MACF1: variants seen among roughly 807,000 people sequenced by gnomAD.
MACF1 encodes the protein microtubule-actin cross-linking factor 1.
A neutral mutation model predicts 854.8 loss-of-function variants in MACF1; 193 were observed. The ratio of observed to expected loss-of-function variants is 0.23; its 90% CI spans 0.20 to 0.25. The LOEUF is 0.25. Ranked by LOEUF, MACF1 falls within the 10% of genes least tolerant of loss-of-function variation. MACF1 has a pLI of 1.00. For missense variants in MACF1, 7,722 were observed against 8,929.1 expected (o/e 0.86, Z 5.45); for synonymous variants, 3,185 against 3,226.7 (o/e 0.99, Z 0.44).
At position 39,251,948 on chromosome 1, in the gene MACF1, C is replaced by A; in HGVS notation, c.357+7C>A. The stretch of plus-strand genomic sequence containing the variant: ...GGAAGATGATGATGATGTAGTAGGT[C>A]CTCCTGGGGATGCCAGCATCCCAGC... On this transcript the variant is annotated splice_region_variant and intron_variant, in intron 4 of 100. Transcript: ENST00000564288. The A allele has an allele frequency of 6.7e-7, 1 of 1,491,936 alleles. No individual in the cohort carries two copies. Among genetic ancestry groups the A allele is most frequent in the East Asian group, 2.6e-5 (1 of 38,098 alleles). 92.4% of individuals were successfully genotyped at this position (1,491,936 alleles called of 1,614,324 possible).
intron 100 of MACF1, 24 bp downstream of exon 100, chr1:39,484,754 C>T (rs1396711731): frequency 1.2e-6 from 2 of 1,614,128 alleles, no homozygotes; most frequent in South Asian, 2.2e-5. Context: ...CCGTGACCTA[C>T]AAGCCAGGCT....
chr1:39,297,482 T>G (rs751320690), intron 20 of MACF1, 138 bp from the exon 21 acceptor site: 11 of 1,031,646 alleles, frequency 1.1e-5, no homozygotes, highest in Non-Finnish European at 1.4e-5. Context: ...TCAGTGGTCC[T>G]TGTAATAAAC....
intron 2 of MACF1, among the ~76,000 whole-genome samples, chr1:39,147,799 TTC>T (rs1643500514): frequency 6.6e-6 from 1 of 152,196 alleles, no homozygotes; most frequent in Non-Finnish European, 1.5e-5. Context: ...GGACACTAAG[TTC>T]TGTTTGTCTA....
intron 49 of MACF1, among the ~76,000 whole-genome samples, chr1:39,363,859 G>A (rs954261001): frequency 6.6e-6 from 1 of 151,994 alleles, no homozygotes; most frequent in Non-Finnish European, 1.5e-5. Context: ...TGATCTGCCC[G>A]CCTCGGCCTC....
chr1:39,088,911 G>T (rs1442903992), intron 2 of MACF1, among the ~76,000 whole-genome samples: 1 of 152,196 alleles, frequency 6.6e-6, no homozygotes, highest in African/African-American at 2.4e-5. Context: ...GCTCATGTTT[G>T]GGCTAGGGCA....
chr1:39,342,987 C>T (rs562135397), intron 40 of MACF1, among the ~76,000 whole-genome samples: 2 of 152,012 alleles, frequency 1.3e-5, no homozygotes, highest in Non-Finnish European at 2.9e-5. Context: ...CAAAAAAACA[C>T]GTGACAGACC....
chr1:39,335,664 G>A lies in MACF1; in HGVS notation c.9076G>A (p.Gly3026Arg). Reference protein sequence around the residue: ...QPREMTSSEKGKEADTEMGFS... With the variant: ...QPREMTSSEKRKEADTEMGFS... ...TAGGGAAATGACCTCAAGTGAAAAA[G>A]GGAAAGAAGCTGATACAGAAATGGG... is the stretch of plus-strand genomic sequence containing the variant. The change falls in exon 37 of 101, where the codon GGG becomes AGG. Residue 3026 changes from glycine to arginine, a missense_variant. Physicochemically the swap from Gly to Arg is moderately radical, Grantham distance 125. Around this residue, in one of 15 missense-constraint regions of MACF1, gnomAD observed 854 missense variants for 852.6 expected, o/e 1.00. Coordinates refer to ENST00000564288, the MANE Select transcript of MACF1 (RefSeq NM_001394062.1). 1 of 1,614,056 alleles carries A rather than the reference G, an allele frequency of 6.2e-7. No homozygotes were observed. Among genetic ancestry groups the A allele is most frequent in the South Asian group, 1.1e-5 (1 of 91,044 alleles).
At chr1:39,364,945 A>G (rs570780435) in intron 49 of MACF1, among the ~76,000 whole-genome samples, 76 of 152,150 alleles carry the variant, frequency 5.0e-4, no homozygotes, top group African/African-American at 1.7e-3. Context: ...TTTTTTTTAC[A>G]TTTGAATCTT....
intron 6 of MACF1, among the ~76,000 whole-genome samples, chr1:39,260,737 CAACA>C (rs896973360): frequency 1.3e-5 from 2 of 152,100 alleles, no homozygotes; most frequent in African/African-American, 4.8e-5. Context: ...ACAACAACAA[CAACA>C]AACAAACAAA....
At chr1:39,199,795 A>G (rs531540199), upstream of MACF1, among the ~76,000 whole-genome samples, 7 of 152,308 alleles carry the variant, frequency 4.6e-5, no homozygotes, top group South Asian at 1.5e-3. Flanking sequence ...ATCTGGCACA[A>G]TGCTCTGCAT....
In MACF1 at chr1:39,147,032, C is replaced by CCTT. The variant is rs963383088; in HGVS notation, c.220+62603_220+62605dup. 1.2e-3 allele frequency among the ~76,000 whole-genome samples: 186 copies of CCTT among 151,784 alleles called. 1 individual carries two copies. Among genetic ancestry groups the CCTT allele is most frequent in the African/African-American group, 4.1e-3 (171 of 41,410 alleles). On this transcript the variant is annotated intron_variant, in intron 2 of 93. Coordinates refer to the MACF1 transcript ENST00000361689. The stretch of plus-strand genomic sequence containing the variant: ...CTTCTTCTTCTTTTCCTTCTTCCTT[C>CCTT]CTTCTTCTTCTCCTCCTCCTGTTCC...
chr1:39,117,494 T>C (rs1642576325), intron 2 of MACF1, among the ~76,000 whole-genome samples: 3 of 151,958 alleles, frequency 2.0e-5, no homozygotes, highest in Admixed American at 2.0e-4. Flanking sequence ...ACTCCCTGGT[T>C]TGGCTTGTCC....
intron 2 of MACF1, chr1:39,103,180 C>T (rs192563204): frequency 7.4e-5 from 28 of 380,094 alleles, no homozygotes; most frequent in African/African-American, 3.1e-4. Flanking sequence ...CTCCCTGCAA[C>T]GCCCCCAGGT....
At chr1:39,485,211 A>T (rs1645082103) in intron 100 of MACF1, 1 of 340,414 alleles carries the variant, frequency 2.9e-6, no homozygotes, top group Non-Finnish European at 5.4e-6. Flanking sequence ...GCCTCTATCC[A>T]TCCTGCCCAT....
chr1:39,418,965 T>G (rs995311892), intron 58 of MACF1, among the ~76,000 whole-genome samples: 1 of 152,234 alleles, frequency 6.6e-6, no homozygotes, highest in African/African-American at 2.4e-5. Flanking sequence ...TTGCAACAAT[T>G]TTTACTAGTG....
At chr1:39,375,207 A>G (rs542379588) in intron 52 of MACF1, among the ~76,000 whole-genome samples, 68 of 152,312 alleles carry the variant, frequency 4.5e-4, no homozygotes, top group African/African-American at 1.4e-3. Context: ...ATCTGTTATG[A>G]AATCCATCAG....
At chr1:39,280,089 C>G (rs750093714) in intron 6 of MACF1, among the ~76,000 whole-genome samples, 1 of 151,816 alleles carries the variant, frequency 6.6e-6, no homozygotes, top group Non-Finnish European at 1.5e-5. Flanking sequence ...GACAGAGTCC[C>G]GCTCTGTCAC....
At chr1:39,314,682 T>A (rs1023934635) in intron 26 of MACF1, among the ~76,000 whole-genome samples, 3 of 152,050 alleles carry the variant, frequency 2.0e-5, no homozygotes, top group Admixed American at 6.6e-5. Context: ...TCTTTCCATA[T>A]TTTTAACCCC....
chr1:39,480,778 A>G, intron 98 of MACF1, 142 bp from the exon 99 acceptor site: 1 of 608,374 alleles, frequency 1.6e-6, no homozygotes, highest in Non-Finnish European at 2.9e-6. Context: ...TCTCATCCTG[A>G]TGGACCAACA....
Sources: allele counts gnomAD v4.1 joint callset (sites outside exome capture counted in the v4.1 genomes callset), GRCh38; gene constraint gnomAD v4.1.1; regional missense constraint gnomAD v4.1.1; transcripts MANE v1.5; gene names NCBI Gene and HGNC (gene_info 2026-07-23, HGNC 2026-07-21).